The following KCNQ5 variants were observed in gnomAD, a reference collection of about 807,000 sequenced individuals.
KCNQ5 encodes potassium voltage-gated channel subfamily KQT member 5.
KCNQ5 carries 30 observed loss-of-function variants against 98.2 expected under a neutral mutation model. The observed-to-expected ratio is 0.31, with a 90% CI of 0.23 to 0.41. The LOEUF (loss-of-function observed/expected upper bound fraction) is 0.41. Among genes scored for constraint, KCNQ5 ranks in the 10% least tolerant of loss-of-function variants. KCNQ5 has a pLI of 1.00. For missense variants in KCNQ5, 835 were observed against 1,182.5 expected (o/e 0.71, Z 4.31); for synonymous variants, 458 against 449.4 (o/e 1.02, Z -0.24).
At chr6:72,699,872 A>G (rs1426200425) in intron 1 of KCNQ5, among the ~76,000 whole-genome samples, 1 of 152,176 alleles carries the variant, frequency 6.6e-6, no homozygotes, top group Non-Finnish European at 1.5e-5. Flanking sequence ...AACAGTTAAC[A>G]TTTATTGAAT....
intron 1 of KCNQ5, among the ~76,000 whole-genome samples, chr6:72,948,642 A>C (rs1442985292): frequency 2.0e-5 from 3 of 152,072 alleles, no homozygotes; most frequent in Non-Finnish European, 4.4e-5. Context: ...TTTCAAAAAA[A>C]TTTTCCTTAA....
chr6:73,175,897 A>C (rs1472302193), intron 11 of KCNQ5, among the ~76,000 whole-genome samples: 1 of 152,314 alleles, frequency 6.6e-6, no homozygotes, highest in East Asian at 1.9e-4. Flanking sequence ...GAAAGAAAAG[A>C]AGAAATCTGG....
chr6:72,645,289 G>A (rs1456797057), intron 1 of KCNQ5, among the ~76,000 whole-genome samples: 3 of 151,376 alleles, frequency 2.0e-5, no homozygotes, highest in African/African-American at 7.3e-5. Flanking sequence ...GGGAGGCTGT[G>A]GAGGGAGGAT....
intron 1 of KCNQ5, among the ~76,000 whole-genome samples, chr6:72,997,766 G>A (rs1468650165): frequency 9.6e-6 from 1 of 103,854 alleles, no homozygotes; most frequent in African/African-American, 3.8e-5. Flanking sequence ...CTGGGTGACA[G>A]AGCAAGACTC....
intron 1 of KCNQ5, among the ~76,000 whole-genome samples, chr6:72,904,614 C>T (rs532656923): frequency 6.6e-6 from 1 of 152,228 alleles, no homozygotes; most frequent in East Asian, 1.9e-4. Flanking sequence ...ATCTTTCCTT[C>T]ATATATGAAG....
intron 1 of KCNQ5, among the ~76,000 whole-genome samples, chr6:72,737,199 A>ATC (rs1163954749): frequency 6.6e-6 from 1 of 152,192 alleles, no homozygotes; most frequent in Non-Finnish European, 1.5e-5. Flanking sequence ...GCCTCAAGTG[A>ATC]TCTGCCCACC....
At chr6:72,687,941 C>T (rs1411887421) in intron 1 of KCNQ5, among the ~76,000 whole-genome samples, 3 of 150,672 alleles carry the variant, frequency 2.0e-5, no homozygotes, top group African/African-American at 7.3e-5. Context: ...CAGGTTCAAG[C>T]GATTCTTCTG....
rs115296590 is a variant in KCNQ5 at position 72,883,397 on chromosome 6, C to T, written c.399-120511C>T. On this transcript the variant is annotated intron_variant, in intron 1 of 13. Transcript: ENST00000370398. ...TATAACATGAAAAATCCTGATAAGA[C>T]TACTTTTTCTGCTGAGCTCATGCTC... Among the ~76,000 whole-genome samples, 1,279 of 152,072 alleles carry T rather than the reference C, an allele frequency of 8.4e-3. 14 individuals are homozygous for T. Among genetic ancestry groups the T allele is most frequent in the African/African-American group, 0.027 (1,131 of 41,486 alleles).
At chr6:72,823,409 C>G (rs1214134337) in intron 1 of KCNQ5, among the ~76,000 whole-genome samples, 2 of 151,646 alleles carry the variant, frequency 1.3e-5, no homozygotes, top group East Asian at 3.9e-4. Context: ...AGACTCCATC[C>G]AATACAAAAA....
At chr6:73,141,871 G>A (rs1776727810) in intron 10 of KCNQ5, among the ~76,000 whole-genome samples, 4 of 152,178 alleles carry the variant, frequency 2.6e-5, no homozygotes, top group Admixed American at 2.0e-4. Context: ...CAATTTAGTG[G>A]TTTGAAATAA....
At chr6:72,713,851 C>T (rs73756028) in intron 1 of KCNQ5, among the ~76,000 whole-genome samples, 10 of 152,272 alleles carry the variant, frequency 6.6e-5, no homozygotes, top group African/African-American at 9.6e-5. Flanking sequence ...TGCAGACTCT[C>T]TTGCCTTTCT....
chr6:72,963,159 T>C (rs979975969), intron 1 of KCNQ5, among the ~76,000 whole-genome samples: 40 of 152,332 alleles, frequency 2.6e-4, no homozygotes, highest in African/African-American at 9.4e-4. Context: ...AGAGTGAGTT[T>C]CCTTTGAAGG....
chr6:72,628,175 C>T (rs1009295395), intron 1 of KCNQ5, among the ~76,000 whole-genome samples: 1 of 152,148 alleles, frequency 6.6e-6, no homozygotes, highest in African/African-American at 2.4e-5. Context: ...TCTTATAAGC[C>T]TTCCACAGAG....
intron 1 of KCNQ5, among the ~76,000 whole-genome samples, chr6:72,868,777 C>T (rs957896433): frequency 1.7e-4 from 26 of 152,004 alleles, no homozygotes; most frequent in African/African-American, 6.0e-4. Flanking sequence ...AGGAGATCTG[C>T]GGAAGGTGAG....
chr6:73,029,182 T>C (rs1330225443), intron 2 of KCNQ5, among the ~76,000 whole-genome samples: 1 of 152,164 alleles, frequency 6.6e-6, no homozygotes, highest in East Asian at 1.9e-4. Context: ...TTATGTACAG[T>C]AGGAGTCATC....
At chr6:72,681,264 T>C (rs963702857) in intron 1 of KCNQ5, among the ~76,000 whole-genome samples, 35 of 152,332 alleles carry the variant, frequency 2.3e-4, no homozygotes, top group South Asian at 4.1e-4. Flanking sequence ...TGCTAGTTTG[T>C]AACTACTATT....
intron 3 of KCNQ5, among the ~76,000 whole-genome samples, chr6:73,058,355 G>A (rs1048841653): frequency 6.6e-6 from 1 of 152,146 alleles, no homozygotes; most frequent in Non-Finnish European, 1.5e-5. Flanking sequence ...GGAGGCTGCA[G>A]TGAGCCGAGA....
chr6:72,883,973 T>C (rs1218024147), intron 1 of KCNQ5, among the ~76,000 whole-genome samples: 4 of 152,200 alleles, frequency 2.6e-5, no homozygotes, highest in African/African-American at 4.8e-5. Context: ...GACATAGTGA[T>C]CATTATGGTT....
chr6:73,137,686 G>A (rs1776526441), intron 10 of KCNQ5, among the ~76,000 whole-genome samples: 1 of 151,990 alleles, frequency 6.6e-6, no homozygotes, highest in African/African-American at 2.4e-5. Flanking sequence ...AGTAGCTGAG[G>A]TATTATCCCC....
Sources: allele counts gnomAD v4.1 joint callset (sites outside exome capture counted in the v4.1 genomes callset), GRCh38; gene constraint gnomAD v4.1.1; transcripts MANE v1.5; gene names NCBI Gene and HGNC (gene_info 2026-07-23, HGNC 2026-07-21).